Variants in EPHA6 observed in about 807,000 individuals in gnomAD.
EPHA6 encodes ephrin type-A receptor 6.
In EPHA6, 50 loss-of-function variants were observed where a neutral mutation model predicts 112.0. That is an observed-to-expected ratio of 0.45 (90% CI 0.36 to 0.56). The LOEUF (loss-of-function observed/expected upper bound fraction) is 0.56, where lower values mean the gene tolerates loss of function less well. Ranked by LOEUF, EPHA6 falls within the 20% of genes least tolerant of loss-of-function variation. The pLI, the probability that EPHA6 is intolerant of heterozygous loss-of-function variation, is 0.00. For synonymous variants in EPHA6, 529 were observed against 490.7 expected, an observed-to-expected ratio of 1.08 and a Z score of -1.03; for missense variants, 1,280 against 1,417.4, an observed-to-expected ratio of 0.90 and a Z score of 1.56.
At chr3:97,231,061 A>G (rs1443364372) in intron 4 of EPHA6, among the ~76,000 whole-genome samples, 1 of 152,184 alleles carries the variant, frequency 6.6e-6, no homozygotes, top group South Asian at 2.1e-4. Context: ...AATAATCCTT[A>G]TGCCAAAGAG....
intron 3 of EPHA6, among the ~76,000 whole-genome samples, chr3:97,187,692 A>AGAAAG (rs2077183493): frequency 3.1e-5 from 2 of 63,740 alleles, no homozygotes; most frequent in African/African-American, 1.2e-4. Flanking sequence ...AAAGAAGGAA[A>AGAAAG]GAAAGAAAGA....
At chr3:97,541,249 C>A (rs1577709083) in intron 11 of EPHA6, among the ~76,000 whole-genome samples, 1 of 152,190 alleles carries the variant, frequency 6.6e-6, no homozygotes, top group South Asian at 2.1e-4. Flanking sequence ...GTTACCGTGC[C>A]ATTTTTCAAA....
At chr3:96,825,820 A>G (rs891191917) in intron 1 of EPHA6, among the ~76,000 whole-genome samples, 9 of 151,832 alleles carry the variant, frequency 5.9e-5, no homozygotes, top group Admixed American at 1.3e-4. Context: ...ATTATACTCT[A>G]TTTTTAAATT....
intron 11 of EPHA6, among the ~76,000 whole-genome samples, chr3:97,533,707 G>A (rs1485988380): frequency 6.6e-6 from 1 of 151,682 alleles, no homozygotes; most frequent in African/African-American, 2.4e-5. Context: ...TTGTCCTCTT[G>A]CCACACTCTT....
intron 9 of EPHA6, chr3:97,481,372 A>G: frequency 6.5e-7 from 1 of 1,528,800 alleles, no homozygotes; most frequent in Non-Finnish European, 9.0e-7. Flanking sequence ...TCTGAGAAGG[A>G]GTTTCTACTC....
rs138456965 is a variant in EPHA6, at chr3:97,407,444, C to T, written c.1731+2170C>T. 2.5e-3 allele frequency among the ~76,000 whole-genome samples: 380 copies of T among 151,462 alleles called. 3 individuals are homozygous for T. The highest frequency in any genetic ancestry group is 8.3e-3 in the African/African-American group (343 of 41,304). Reference sequence around the variant, plus strand: ...ATAATTATATGTAAAAATTAAGACCCTAGCATTATTCTCTTTCTCTGTGTG... The same window carrying T: ...ATAATTATATGTAAAAATTAAGACCTTAGCATTATTCTCTTTCTCTGTGTG... On this transcript the variant is annotated intron_variant, in intron 6 of 17. Transcript: ENST00000389672.
intron 15 of EPHA6, among the ~76,000 whole-genome samples, chr3:97,734,662 C>A (rs1284522311): frequency 2.6e-5 from 4 of 151,890 alleles, no homozygotes; most frequent in African/African-American, 7.3e-5. Flanking sequence ...TAGTCATGTC[C>A]AATAGTGTAA....
chr3:97,547,613 T>C (rs1392592024), intron 11 of EPHA6, among the ~76,000 whole-genome samples: 5 of 152,196 alleles, frequency 3.3e-5, no homozygotes, highest in African/African-American at 7.2e-5. Flanking sequence ...GACATTTAAG[T>C]CTGCAGAGGT....
intron 3 of EPHA6, among the ~76,000 whole-genome samples, chr3:97,165,352 T>C (rs1458734831): frequency 6.6e-6 from 1 of 152,184 alleles, no homozygotes; most frequent in Non-Finnish European, 1.5e-5. Flanking sequence ...AGATTATATA[T>C]ATTTTTCATA....
intron 6 of EPHA6, among the ~76,000 whole-genome samples, chr3:97,433,449 C>T (rs1358467048): frequency 1.3e-5 from 2 of 152,066 alleles, no homozygotes; most frequent in African/African-American, 4.8e-5. Flanking sequence ...AATGAACCAA[C>T]AGGAGAGTTG....
intron 10 of EPHA6, among the ~76,000 whole-genome samples, chr3:97,526,940 A>G (rs1165007027): frequency 6.6e-6 from 1 of 152,128 alleles, no homozygotes; most frequent in East Asian, 1.9e-4. Context: ...GAGCTGAGAT[A>G]GGGCCCCTTC....
At chr3:96,906,201 G>A (rs1014302917) in intron 2 of EPHA6, among the ~76,000 whole-genome samples, 2 of 151,992 alleles carry the variant, frequency 1.3e-5, no homozygotes, top group East Asian at 3.9e-4. Context: ...GAGAGAAGTA[G>A]GAGACAAGGT....
At chr3:97,133,178 C>A (rs979671277) in intron 3 of EPHA6, among the ~76,000 whole-genome samples, 3 of 151,896 alleles carry the variant, frequency 2.0e-5, no homozygotes, top group Non-Finnish European at 4.4e-5. Flanking sequence ...AGTGAGCAGC[C>A]AGAGTCATAT....
At chr3:97,575,014 A>C (rs1217829715) in intron 11 of EPHA6, among the ~76,000 whole-genome samples, 1 of 152,048 alleles carries the variant, frequency 6.6e-6, no homozygotes, top group Non-Finnish European at 1.5e-5. Flanking sequence ...CTGAATCTAA[A>C]ATTTAATTTA....
intron 3 of EPHA6, among the ~76,000 whole-genome samples, chr3:97,140,325 GA>G (rs2075867849): frequency 6.6e-6 from 1 of 152,110 alleles, no homozygotes; most frequent in African/African-American, 2.4e-5. Flanking sequence ...TCCAGATACA[GA>G]AAGCCCAGAG....
chr3:96,953,688 C>T (rs932826924), intron 2 of EPHA6, among the ~76,000 whole-genome samples: 1 of 151,790 alleles, frequency 6.6e-6, no homozygotes, highest in Non-Finnish European at 1.5e-5. Flanking sequence ...GCTTTTATCT[C>T]ACCTGAGAGA....
At chr3:97,742,558 A>G (rs2035550454) in intron 16 of EPHA6, among the ~76,000 whole-genome samples, 1 of 152,180 alleles carries the variant, frequency 6.6e-6, no homozygotes, top group African/African-American at 2.4e-5. Context: ...ATAAAAAACA[A>G]TTGAAGACTT....
chr3:97,678,004 A>G (rs2031544930), intron 14 of EPHA6, among the ~76,000 whole-genome samples: 1 of 152,146 alleles, frequency 6.6e-6, no homozygotes, highest in Non-Finnish European at 1.5e-5. Context: ...ACCTGAGGTT[A>G]TTTACTCTTA....
intron 5 of EPHA6, among the ~76,000 whole-genome samples, chr3:97,357,584 A>G (rs750933890): frequency 6.6e-6 from 1 of 152,212 alleles, no homozygotes; most frequent in Non-Finnish European, 1.5e-5. Context: ...CACTTAAAGT[A>G]ATTACCAATA....
Sources: allele counts gnomAD v4.1 joint callset (sites outside exome capture counted in the v4.1 genomes callset), GRCh38; gene constraint gnomAD v4.1.1; transcripts MANE v1.5; gene names NCBI Gene and HGNC (gene_info 2026-07-23, HGNC 2026-07-21).